Variants in MCTP1 observed in about 807,000 individuals in gnomAD.
MCTP1 encodes the protein multiple C2 and transmembrane domain containing 1, also known as multiple C2 and transmembrane domain-containing protein 1.
In MCTP1, 69 loss-of-function variants were observed where a neutral mutation model predicts 120.6. The observed-to-expected ratio is 0.57, with a 90% CI of 0.47 to 0.70. The LOEUF (loss-of-function observed/expected upper bound fraction) is 0.70, where lower values mean the gene tolerates loss of function less well. MCTP1 is among the 30% of genes least tolerant of loss of function. The probability of loss-of-function intolerance (pLI) is 0.00; values close to 1 mark genes in which losing one functional copy is unlikely to be tolerated. For synonymous variants in MCTP1, 529 were observed against 493.1 expected (o/e 1.07, Z -0.96); for missense variants, 1,203 against 1,248.8 (o/e 0.96, Z 0.55).
intron 1 of MCTP1, among the ~76,000 whole-genome samples, chr5:95,131,122 G>A (rs1430030906): frequency 6.6e-6 from 1 of 152,052 alleles, no homozygotes; most frequent in East Asian, 1.9e-4. Flanking sequence ...AATACTCTCA[G>A]GCTCTTTGGT....
intron 1 of MCTP1, among the ~76,000 whole-genome samples, chr5:95,208,124 C>T (rs1751883725): frequency 6.6e-6 from 1 of 152,098 alleles, no homozygotes. Context: ...AGTTTTGCTC[C>T]TGTTGCCCAG....
intron 2 of MCTP1, among the ~76,000 whole-genome samples, chr5:94,976,565 A>G (rs1828159462): frequency 6.6e-6 from 1 of 152,160 alleles, no homozygotes; most frequent in African/African-American, 2.4e-5. Context: ...ATTTCTTCAG[A>G]GCAACCAACT....
chr5:95,237,848 A>T (rs1459202933), intron 1 of MCTP1, among the ~76,000 whole-genome samples: 4 of 152,098 alleles, frequency 2.6e-5, no homozygotes, highest in Non-Finnish European at 4.4e-5. Flanking sequence ...TAGCCTAAGA[A>T]ATAGCATTTA....
intron 1 of MCTP1, among the ~76,000 whole-genome samples, chr5:95,266,886 A>G (rs2152726363): frequency 6.6e-6 from 1 of 152,288 alleles, no homozygotes. Flanking sequence ...TTATGTCGCC[A>G]CTTCAATTTT....
chr5:94,743,419 C>T (rs1766044052), intron 19 of MCTP1, among the ~76,000 whole-genome samples: 2 of 151,890 alleles, frequency 1.3e-5, no homozygotes, highest in African/African-American at 4.8e-5. Context: ...AGCTTGCAGC[C>T]TCACGAAGGT....
intron 1 of MCTP1, among the ~76,000 whole-genome samples, chr5:95,191,243 T>A (rs1221150085): frequency 1.3e-5 from 2 of 152,064 alleles, no homozygotes; most frequent in African/African-American, 2.4e-5. Flanking sequence ...CTGTGTTTAC[T>A]ATAGTCATCC....
intron 7 of MCTP1, among the ~76,000 whole-genome samples, chr5:94,919,382 TA>T (rs576635466): frequency 2.6e-5 from 4 of 151,978 alleles, no homozygotes; most frequent in Middle Eastern, 3.4e-3. Context: ...AATGGAAAAT[TA>T]AAAAAAATCG....
intron 19 of MCTP1, among the ~76,000 whole-genome samples, chr5:94,718,772 C>T (rs1053056683): frequency 2.0e-5 from 3 of 152,080 alleles, no homozygotes; most frequent in Non-Finnish European, 4.4e-5. Context: ...CAGGCTGCAG[C>T]GCGATGGTGC....
At chr5:95,036,458 C>T (rs964012793) in intron 1 of MCTP1, among the ~76,000 whole-genome samples, 3 of 152,080 alleles carry the variant, frequency 2.0e-5, no homozygotes, top group Non-Finnish European at 2.9e-5. Flanking sequence ...CTTATGAAAC[C>T]GAAACAAAGA....
chr5:95,147,013 T>C (rs1315598726), intron 1 of MCTP1, among the ~76,000 whole-genome samples: 1 of 152,158 alleles, frequency 6.6e-6, no homozygotes, highest in African/African-American at 2.4e-5. Flanking sequence ...GTCTGAGTCT[T>C]TTCATAGGTC....
intron 1 of MCTP1, among the ~76,000 whole-genome samples, chr5:95,282,726 A>G (rs906330026): frequency 8.5e-5 from 13 of 152,216 alleles, no homozygotes; most frequent in Admixed American, 7.2e-4. Context: ...TTTGTTTATT[A>G]AGGAACAAAA....
At chr5:94,832,671 CT>C (rs1788812879) in intron 17 of MCTP1, among the ~76,000 whole-genome samples, 1 of 151,656 alleles carries the variant, frequency 6.6e-6, no homozygotes, top group Non-Finnish European at 1.5e-5. Flanking sequence ...TTCAGAATGA[CT>C]TCATGACAAG....
intron 2 of MCTP1, among the ~76,000 whole-genome samples, chr5:94,973,995 C>T (rs1175804906): frequency 6.6e-6 from 1 of 152,074 alleles, no homozygotes; most frequent in Non-Finnish European, 1.5e-5. Context: ...TTACATAATA[C>T]ATATCAAGTA....
Position 95,219,238 on chromosome 5 carries a change from C to T in MCTP1, c.720+64618G>A, listed in dbSNP as rs548361504. Among the ~76,000 whole-genome samples the T allele has an allele frequency of 8.2e-4, 125 of 151,902 alleles. 2 individuals are homozygous for T. Among genetic ancestry groups the T allele is most frequent in the Middle Eastern group, 6.8e-3 (2 of 294 alleles). On this transcript the variant is annotated intron_variant, in intron 1 of 22. Transcript: ENST00000515393. ...CTACTAAAAAATACAAAAAATTAGC[C>T]GGGCATGGTGGTGGGCACCTGTAGT...
At chr5:95,003,604 A>G (rs1834126038) in intron 2 of MCTP1, among the ~76,000 whole-genome samples, 1 of 152,238 alleles carries the variant, frequency 6.6e-6, no homozygotes, top group Non-Finnish European at 1.5e-5. Context: ...GCATCTATGT[A>G]AATAAAACAG....
intron 19 of MCTP1, among the ~76,000 whole-genome samples, chr5:94,743,309 A>G (rs1315848607): frequency 6.9e-6 from 1 of 144,330 alleles, no homozygotes; most frequent in Non-Finnish European, 1.5e-5. Flanking sequence ...TTATATTTCA[A>G]TTCAATAAAA....
chr5:95,120,732 T>G (rs572085004), intron 1 of MCTP1, among the ~76,000 whole-genome samples: 1 of 152,302 alleles, frequency 6.6e-6, no homozygotes, highest in African/African-American at 2.4e-5. Context: ...AGTATAATAC[T>G]GAATGGGGAA....
At chr5:95,185,207 T>C (rs1425864172) in intron 1 of MCTP1, among the ~76,000 whole-genome samples, 1 of 152,016 alleles carries the variant, frequency 6.6e-6, no homozygotes, top group East Asian at 1.9e-4. Flanking sequence ...AGGCTAGTAT[T>C]GTAATGATAC....
intron 1 of MCTP1, among the ~76,000 whole-genome samples, chr5:95,044,955 G>A (rs1407858633): frequency 1.3e-5 from 2 of 152,074 alleles, no homozygotes; most frequent in Non-Finnish European, 2.9e-5. Context: ...GCATCAAAAT[G>A]ACTACGTCAA....
Sources: gnomAD v4.1 joint callset for allele counts (sites outside exome capture counted in the v4.1 genomes callset) on GRCh38, gnomAD v4.1.1 for gene constraint, MANE v1.5 for transcripts, NCBI Gene and HGNC (gene_info 2026-07-23, HGNC 2026-07-21) for gene names.